COL6A2: variants seen among roughly 807,000 people sequenced by gnomAD.
The protein encoded by COL6A2 is collagen type VI alpha 2 chain, also known as collagen alpha-2(VI) chain.
Under a neutral mutation model 124.9 loss-of-function variants are expected in COL6A2, and 90 were observed. The observed-to-expected ratio is 0.72, with a 90% confidence interval of 0.61 to 0.86. The LOEUF (loss-of-function observed/expected upper bound fraction) is 0.86, where lower values mean the gene tolerates loss of function less well. COL6A2 is among the 40% of genes least tolerant of loss of function. The pLI is 0.00. For synonymous variants in COL6A2, 793 were observed against 618.2 expected (o/e 1.28, Z -4.19); for missense variants, 1,607 against 1,502.5 (o/e 1.07, Z -1.15).
At position 46,115,919 on chromosome 21, in the gene COL6A2, AAGAC is replaced by A; in HGVS notation, c.852_855del (p.Gln285GlufsTer122). ...AGCCGGGAGAGCCTGGCCAGAAGGG[AAGAC>A]AGGTGAGTGTCCTTGCCCCACGCCC... is the stretch of plus-strand genomic sequence containing the variant. On this transcript the variant is annotated frameshift_variant and splice_region_variant, in exon 6 of 28. Transcript: ENST00000300527. LOFTEE classifies it high-confidence loss of function. 6.2e-7 allele frequency: 1 copy of A among 1,612,892 alleles called. No individual in the cohort carries two copies. Among genetic ancestry groups the A allele is most frequent in the Non-Finnish European group, 8.5e-7 (1 of 1,179,992 alleles).
At chr21:46,111,400 C>G in intron 1 of COL6A2, 50 bp from the exon 2 acceptor site, 1 of 1,081,838 alleles carries the variant, frequency 9.2e-7, no homozygotes, top group South Asian at 1.3e-5. Flanking sequence ...GGGGAGGGTG[C>G]CAGGGGAGAG....
intron 21 of COL6A2, among the ~76,000 whole-genome samples, chr21:46,123,919 A>AT (rs76019880): frequency 0.52 from 73,964 of 140,908 alleles, 19,352 homozygotes; most frequent in Admixed American, 0.6. Flanking sequence ...GGGTGGATAG[A>AT]GGATGGATGG....
chr21:46,102,145 A>G (rs2078294765), intron 1 of COL6A2, among the ~76,000 whole-genome samples: 2 of 152,140 alleles, frequency 1.3e-5, no homozygotes, highest in East Asian at 3.9e-4. Flanking sequence ...GTATTTTATT[A>G]TTTTTGATAC....
chr21:46,120,927 CG>C, intron 16 of COL6A2, 133 bp from the exon 17 acceptor site: 1 of 835,220 alleles, frequency 1.2e-6, no homozygotes, highest in South Asian at 1.4e-5. Flanking sequence ...CCACAGCCTC[CG>C]GGGAGGGTCA....
rs543372981 is a variant in COL6A2, at chr21:46,120,390, C to G, written c.1333-125C>G. 10 of 736,698 alleles carry G rather than the reference C, an allele frequency of 1.4e-5. No homozygotes were observed. In the East Asian group the frequency reaches 2.5e-4, roughly 18 times the overall value. 45.6% of individuals were successfully genotyped at this position (736,698 alleles called of 1,614,324 possible). ...AAACAGGCGACTGTTGCAGGTCCCC[C>G]GGGACAGACGGGGTTCTTCCTCCCA... On this transcript the variant is annotated intron_variant, in intron 15 of 27. Transcript: ENST00000300527.
Position 46,132,466 on chromosome 21 carries a change from G to T in COL6A2, c.2974G>T (p.Asp992Tyr). ...CGTGCTCACCACGCTCAGCCTGGGT[G>T]ACCGCGCCGCCGTGTTCCACGAGAA... ...MDVLTTLSLG[D>Y]RAAVFHEKDY... The change falls in exon 28 of 28, where the codon GAC becomes TAC. Residue 992 changes from aspartate (D) to tyrosine (Y), a missense_variant. By Grantham distance (160) the Asp-to-Tyr change is radical. This residue lies in a region of COL6A2 where 1,223 missense variants were observed against 1,052.2 expected (regional missense o/e 1.16). Coordinates refer to ENST00000300527, the MANE Select transcript of COL6A2 (RefSeq NM_001849.4). The T allele has an allele frequency of 6.2e-7, 1 of 1,606,576 alleles. No individual in the cohort carries two copies.
At chr21:46,126,792 C>T (rs2078677035) in intron 27 of COL6A2, among the ~76,000 whole-genome samples, 2 of 152,178 alleles carry the variant, frequency 1.3e-5, no homozygotes, top group South Asian at 4.1e-4. Flanking sequence ...TAGCCTGGCG[C>T]TGTGCTCGGC....
Position 46,132,608 on chromosome 21 carries a change from T to A in COL6A2, c.*56T>A. The A allele has an allele frequency of 6.6e-7, 1 of 1,504,532 alleles. No homozygotes were observed. The allele number at this position is 1,504,532 out of a possible 1,614,324, so 93.2% of individuals were successfully genotyped here. On this transcript the variant is annotated 3_prime_UTR_variant, in exon 28 of 28. Transcript: ENST00000300527. The stretch of plus-strand genomic sequence containing the variant: ...CGTGAGCCCACCCCGTCCATGGTGC[T>A]AAGCGGGCCCGGGTCCCACACGGCC...
At chr21:46,098,661 G>C (rs1293864970) in intron 1 of COL6A2, 1 of 151,946 alleles carries the variant, frequency 6.6e-6, no homozygotes, top group Non-Finnish European at 1.5e-5. Flanking sequence ...GGGGCGGGGG[G>C]AGGAGGGGCT....
intron 10 of COL6A2, 95 bp from the exon 11 acceptor site, chr21:46,117,305 T>C (rs1009562608): frequency 2.3e-6 from 3 of 1,277,682 alleles, no homozygotes; most frequent in Admixed American, 1.9e-5. Flanking sequence ...GCTGCAGCCC[T>C]GCGGGGCAGA....
intron 1 of COL6A2, among the ~76,000 whole-genome samples, chr21:46,105,061 A>G (rs1413572908): frequency 1.3e-5 from 2 of 152,176 alleles, no homozygotes; most frequent in Admixed American, 6.5e-5. Context: ...ATAAAGGGTG[A>G]TAGACAGTAA....
Position 46,132,764 on chromosome 21 carries a change from C to T in COL6A2, c.*212C>T, listed in dbSNP as rs529170985. ...CCTCCGCAGGCTGCCCGGCCTCCCTCCCCCTGCAGCCATCCCAAGGCTCCT... is the reference window on the plus strand; with the variant it reads ...CCTCCGCAGGCTGCCCGGCCTCCCTTCCCCTGCAGCCATCCCAAGGCTCCT... On this transcript the variant is annotated 3_prime_UTR_variant, in exon 28 of 28. Transcript: ENST00000300527. The T allele has an allele frequency of 1.7e-6, 1 of 597,086 alleles. No homozygotes were observed. The highest frequency in any genetic ancestry group is 2.0e-5 in the South Asian group (1 of 50,660). The allele number at this position is 597,086 out of a possible 1,614,324, so 37.0% of individuals were successfully genotyped here. A position where few individuals can be genotyped will look rare whatever the true frequency, so the allele number is the denominator to read the frequency against.
chr21:46,111,447 C>A lies in COL6A2; in HGVS notation c.-27-3C>A. On this transcript the variant is annotated splice_polypyrimidine_tract_variant and splice_region_variant and intron_variant, in intron 1 of 27. Transcript: ENST00000300527. ...GTCTGAGCGACCCCCACCCCTGTTG[C>A]AGGACTTCAGGGCCACAGGTGCTGC... The A allele has an allele frequency of 6.4e-7, 1 of 1,567,154 alleles. No homozygotes were observed. Among genetic ancestry groups the A allele is most frequent in the Non-Finnish European group, 8.8e-7 (1 of 1,140,060 alleles).
At chr21:46,124,388 G>A (rs912231543) in intron 21 of COL6A2, among the ~76,000 whole-genome samples, 1 of 152,130 alleles carries the variant, frequency 6.6e-6, no homozygotes, top group African/African-American at 2.4e-5. Flanking sequence ...GAGCTGTTTT[G>A]GCTGCTATTT....
chr21:46,131,367 G>A (rs544878238), intron 27 of COL6A2, among the ~76,000 whole-genome samples: 16 of 152,328 alleles, frequency 1.1e-4, no homozygotes, highest in South Asian at 2.1e-4. Context: ...CAGAGTCATA[G>A]GGCAGAACCC....
At chr21:46,127,777 T>G (rs1452748531) in intron 27 of COL6A2, among the ~76,000 whole-genome samples, 2 of 152,126 alleles carry the variant, frequency 1.3e-5, no homozygotes, top group African/African-American at 2.4e-5. Context: ...CGCTATGGCT[T>G]CCCCTCCACT....
intron 1 of COL6A2, chr21:46,098,692 C>T (rs2078253685): frequency 6.6e-6 from 1 of 151,626 alleles, no homozygotes; most frequent in Non-Finnish European, 1.5e-5. Context: ...GAGGGCGGGA[C>T]TGGGCGGGGA....
intron 1 of COL6A2, among the ~76,000 whole-genome samples, chr21:46,106,793 T>C (rs1352812786): frequency 6.6e-6 from 1 of 152,220 alleles, no homozygotes; most frequent in East Asian, 1.9e-4. Context: ...AAACCAAAAC[T>C]GTAATTTTAT....
rs746541506 is a variant in COL6A2 at position 46,121,068 on chromosome 21, G to A, written c.1403G>A (p.Arg468Gln). 23 of 1,612,610 alleles carry A rather than the reference G, an allele frequency of 1.4e-5. No homozygotes were observed. The highest frequency in any genetic ancestry group is 7.7e-5 in the South Asian group (7 of 91,092). The change falls in exon 17 of 28, where the codon CGA (arginine) becomes CAA (glutamine). Residue 468 changes from arginine (R) to glutamine (Q), a missense_variant. Arg to Gln is a conservative substitution (Grantham distance 43). Transcript: ENST00000300527. The stretch of plus-strand genomic sequence containing the variant: ...TCCTCCCCTTTCTTCCAGGGAGACC[G>A]AGGCTTGCCTGGACCCAGAGGCCCC... ...EVGNKGAKGD[R>Q]GLPGPRGPQG...
Sources: gnomAD v4.1 joint callset for allele counts (sites outside exome capture counted in the v4.1 genomes callset) on GRCh38, gnomAD v4.1.1 for gene constraint, gnomAD v4.1.1 regional missense constraint, MANE v1.5 for transcripts, NCBI Gene and HGNC (gene_info 2026-07-23, HGNC 2026-07-21) for gene names.